MARCHF1: variants seen among roughly 807,000 people sequenced by gnomAD.
The protein encoded by MARCHF1 is membrane associated ring-CH-type finger 1.
A neutral mutation model predicts 54.2 loss-of-function variants in MARCHF1; 40 were observed. The observed-to-expected ratio is 0.74, with a 90% CI of 0.57 to 0.96. The LOEUF is 0.96. MARCHF1 is among the 40% of genes least tolerant of loss of function. The pLI, the probability that MARCHF1 is intolerant of heterozygous loss-of-function variation, is 0.00. For missense variants in MARCHF1, 586 were observed against 656.5 expected, an observed-to-expected ratio of 0.89 and a Z score of 1.17; for synonymous variants, 236 against 236.3, an observed-to-expected ratio of 1.00 and a Z score of 0.01.
chr4:163,622,275 G>C (rs988137520), intron 5 of MARCHF1, among the ~76,000 whole-genome samples: 2 of 151,950 alleles, frequency 1.3e-5, no homozygotes, highest in Non-Finnish European at 2.9e-5. Context: ...ACTGGCCCCC[G>C]ATCCACCAGC....
chr4:163,583,423 C>G (rs1409610560), intron 8 of MARCHF1, among the ~76,000 whole-genome samples: 1 of 152,080 alleles, frequency 6.6e-6, no homozygotes, highest in Non-Finnish European at 1.5e-5. Flanking sequence ...TCCAACACCC[C>G]TATACATATA....
intron 1 of MARCHF1, among the ~76,000 whole-genome samples, chr4:164,157,276 A>T (rs1211066027): frequency 6.6e-6 from 1 of 152,074 alleles, no homozygotes; most frequent in East Asian, 1.9e-4. Context: ...TGGAAAGTAT[A>T]GTTCTTTAAA....
chr4:163,774,585 T>C (rs1253783667), intron 4 of MARCHF1, among the ~76,000 whole-genome samples: 1 of 147,848 alleles, frequency 6.8e-6, no homozygotes. Context: ...GCAACCTCCA[T>C]CTTCCGGGTT....
intron 1 of MARCHF1, among the ~76,000 whole-genome samples, chr4:164,276,167 T>C (rs1733875719): frequency 1.3e-5 from 2 of 152,190 alleles, no homozygotes; most frequent in Non-Finnish European, 2.9e-5. Context: ...TCCTCCAAAA[T>C]GGAATTTGGT....
chr4:164,223,687 G>C (rs1165257065), intron 1 of MARCHF1, among the ~76,000 whole-genome samples: 1 of 151,732 alleles, frequency 6.6e-6, no homozygotes, highest in Non-Finnish European at 1.5e-5. Context: ...CCATCAAACT[G>C]AATTCAAATT....
intron 4 of MARCHF1, among the ~76,000 whole-genome samples, chr4:163,824,371 G>C (rs964459371): frequency 6.7e-6 from 1 of 150,368 alleles, no homozygotes; most frequent in Non-Finnish European, 1.5e-5. Context: ...ACAAACCTGA[G>C]AAAAACAAGC....
intron 1 of MARCHF1, among the ~76,000 whole-genome samples, chr4:164,342,094 C>T (rs1356305604): frequency 6.6e-6 from 1 of 151,930 alleles, no homozygotes; most frequent in East Asian, 1.9e-4. Context: ...AAGAAAATCA[C>T]AAAATTCAAA....
intron 1 of MARCHF1, among the ~76,000 whole-genome samples, chr4:164,285,672 G>C (rs1364756815): frequency 1.3e-5 from 2 of 151,706 alleles, no homozygotes; most frequent in African/African-American, 2.4e-5. Context: ...TCGATCTCCT[G>C]ACCTCGTGAT....
At chr4:163,663,237 TAGATTTAGGGCTG>T (rs1743411169) in intron 5 of MARCHF1, among the ~76,000 whole-genome samples, 1 of 149,814 alleles carries the variant, frequency 6.7e-6, no homozygotes, top group African/African-American at 2.5e-5. Context: ...TTTTTTTTTT[TAGATTTAGGGCTG>T]TTTAAGTGTA....
intron 5 of MARCHF1, among the ~76,000 whole-genome samples, chr4:163,671,704 T>C (rs1743743831): frequency 6.6e-6 from 1 of 152,160 alleles, no homozygotes; most frequent in South Asian, 2.1e-4. Context: ...TATTTAAGTA[T>C]GCATATATTA....
intron 1 of MARCHF1, among the ~76,000 whole-genome samples, chr4:164,291,864 A>G (rs1734291379): frequency 1.3e-5 from 2 of 152,032 alleles, no homozygotes; most frequent in South Asian, 4.1e-4. Context: ...TATTTCCTTA[A>G]TGACTCAGAG....
rs1579456674 is a variant in MARCHF1 at position 164,008,005 on chromosome 4, A to C, written c.-247-19296T>G. Among the ~76,000 whole-genome samples the C allele has an allele frequency of 9.9e-5, 15 of 152,252 alleles. 1 individual carries two copies. The South Asian group carries it at 2.9e-3, about 29-fold the overall frequency. ...CTTATTAATAACTCTGAATGTAAAT[A>C]GTCTCAATTCTCCAATTAAAAGGCA... On this transcript the variant is annotated intron_variant, in intron 2 of 9. Coordinates refer to ENST00000514618, the MANE Select transcript of MARCHF1 (RefSeq NM_001394959.1).
intron 1 of MARCHF1, among the ~76,000 whole-genome samples, chr4:164,232,877 ACGTG>A (rs1368199276): frequency 2.6e-5 from 4 of 152,160 alleles, no homozygotes; most frequent in African/African-American, 9.7e-5. Flanking sequence ...ACCTATAGAC[ACGTG>A]CTGTATTTTT....
chr4:164,340,916 C>CAAAAAAAA (rs35543676), intron 1 of MARCHF1, among the ~76,000 whole-genome samples: 3 of 96,316 alleles, frequency 3.1e-5, no homozygotes, highest in African/African-American at 7.2e-5. Flanking sequence ...GAGGGCACTA[C>CAAAAAAAA]AAAAAAAAAA....
intron 3 of MARCHF1, among the ~76,000 whole-genome samples, chr4:163,979,914 G>A (rs1202581291): frequency 6.6e-6 from 1 of 151,882 alleles, no homozygotes; most frequent in African/African-American, 2.4e-5. Flanking sequence ...TGTAGATTCT[G>A]GATATTAGCC....
chr4:163,873,789 T>C (rs184555020), intron 3 of MARCHF1, among the ~76,000 whole-genome samples: 2 of 152,330 alleles, frequency 1.3e-5, no homozygotes, highest in East Asian at 3.9e-4. Context: ...ACTTCCTTTT[T>C]GTCCAAGCCA....
At chr4:163,965,533 T>C (rs1314667484) in intron 3 of MARCHF1, among the ~76,000 whole-genome samples, 1 of 151,986 alleles carries the variant, frequency 6.6e-6, no homozygotes, top group Non-Finnish European at 1.5e-5. Context: ...TTCTCTCATT[T>C]CTCTCTTACA....
chr4:164,074,843 AT>A (rs2111099431), intron 2 of MARCHF1, among the ~76,000 whole-genome samples: 1 of 151,474 alleles, frequency 6.6e-6, no homozygotes, highest in Non-Finnish European at 1.5e-5. Flanking sequence ...ATGTAAATTC[AT>A]AAAAAATTTT....
intron 4 of MARCHF1, among the ~76,000 whole-genome samples, chr4:163,829,650 A>G (rs1374010953): frequency 6.6e-6 from 1 of 152,176 alleles, no homozygotes; most frequent in Non-Finnish European, 1.5e-5. Context: ...TTCCCCCTGG[A>G]CTGGATGATA....
Sources: allele counts gnomAD v4.1 joint callset (sites outside exome capture counted in the v4.1 genomes callset), GRCh38; gene constraint gnomAD v4.1.1; transcripts MANE v1.5; gene names NCBI Gene and HGNC (gene_info 2026-07-23, HGNC 2026-07-21).